Variants in SUMF1 observed in about 807,000 individuals in gnomAD.
SUMF1 encodes formylglycine-generating enzyme.
A neutral mutation model predicts 47.6 loss-of-function variants in SUMF1; 48 were observed. The ratio of observed to expected loss-of-function variants is 1.01; its 90% CI spans 0.80 to 1.28. SUMF1 has a LOEUF of 1.28. Ranked by LOEUF, SUMF1 falls within the 50% of genes most tolerant of loss-of-function variation. SUMF1 has a pLI of 0.00. For synonymous variants in SUMF1, 230 were observed against 192.1 expected, an observed-to-expected ratio of 1.20 and a Z score of -1.63; for missense variants, 571 against 485.4, an observed-to-expected ratio of 1.18 and a Z score of -1.66.
At chr3:4,306,936 A>T (rs1363139520) in intron 8 of SUMF1, among the ~76,000 whole-genome samples, 1 of 152,258 alleles carries the variant, frequency 6.6e-6, no homozygotes, top group Non-Finnish European at 1.5e-5. Flanking sequence ...TTATTGAGCT[A>T]ACAGTTGGAT....
chr3:4,451,911 C>T (rs1009827850), intron 2 of SUMF1, among the ~76,000 whole-genome samples: 1 of 152,106 alleles, frequency 6.6e-6, no homozygotes, highest in Non-Finnish European at 1.5e-5. Context: ...TCTCGATCGC[C>T]TGACCTCGTG....
chr3:4,240,892 T>C (rs912876622), intron 8 of SUMF1, among the ~76,000 whole-genome samples: 1 of 152,088 alleles, frequency 6.6e-6, no homozygotes. Context: ...AAGTGTCAAG[T>C]GACCCTTTAT....
At chr3:4,143,257 G>A (rs1694114348) in intron 8 of SUMF1, among the ~76,000 whole-genome samples, 1 of 152,106 alleles carries the variant, frequency 6.6e-6, no homozygotes, top group Non-Finnish European at 1.5e-5. Context: ...GATGCTAAGT[G>A]CCAGATTCAA....
chr3:4,460,703 G>A (rs1559315794), intron 1 of SUMF1, among the ~76,000 whole-genome samples: 1 of 150,578 alleles, frequency 6.6e-6, no homozygotes, highest in African/African-American at 2.4e-5. Flanking sequence ...GTCACCCCAC[G>A]CTGGAGTGCA....
intron 1 of SUMF1, among the ~76,000 whole-genome samples, chr3:4,462,489 T>A (rs1216883049): frequency 6.6e-6 from 1 of 152,198 alleles, no homozygotes; most frequent in Non-Finnish European, 1.5e-5. Flanking sequence ...ACTTCCCAAC[T>A]AGGGGAGCTA....
chr3:4,124,868 C>CACTT (rs1417973532), intron 8 of SUMF1, among the ~76,000 whole-genome samples: 1 of 150,602 alleles, frequency 6.6e-6, no homozygotes, highest in Non-Finnish European at 1.5e-5. Context: ...ATCTAATATA[C>CACTT]ACTTATATAC....
At chr3:4,411,190 G>A (rs1701529614) in intron 6 of SUMF1, among the ~76,000 whole-genome samples, 1 of 152,020 alleles carries the variant, frequency 6.6e-6, no homozygotes, top group African/African-American at 2.4e-5. Context: ...AACCTAAAGA[G>A]AGTTCATATT....
chr3:4,209,101 A>T (rs897147819), intron 8 of SUMF1, among the ~76,000 whole-genome samples: 1 of 152,144 alleles, frequency 6.6e-6, no homozygotes, highest in Non-Finnish European at 1.5e-5. Flanking sequence ...TCTCCAGTTA[A>T]AACATCTAGA....
intron 7 of SUMF1, among the ~76,000 whole-genome samples, chr3:4,383,100 C>T (rs1165195555): frequency 1.3e-5 from 2 of 151,752 alleles, no homozygotes; most frequent in African/African-American, 4.8e-5. Flanking sequence ...AGATCAGGGC[C>T]GGGCGCAGTG....
At chr3:4,432,235 A>G (rs745523538) in intron 3 of SUMF1, among the ~76,000 whole-genome samples, 1 of 150,984 alleles carries the variant, frequency 6.6e-6, no homozygotes, top group Non-Finnish European at 1.5e-5. Flanking sequence ...AAAACCCAGG[A>G]GTCATACTAG....
At chr3:4,187,526 T>C (rs1574962405) in intron 8 of SUMF1, among the ~76,000 whole-genome samples, 1 of 152,144 alleles carries the variant, frequency 6.6e-6, no homozygotes, top group South Asian at 2.1e-4. Context: ...TAGCACAATA[T>C]AGATGCTCAG....
At chr3:4,227,358 G>C (rs923162690) in intron 8 of SUMF1, among the ~76,000 whole-genome samples, 1 of 144,318 alleles carries the variant, frequency 6.9e-6, no homozygotes, top group African/African-American at 2.5e-5. Context: ...TTAACCAAAT[G>C]AACACACAAA....
intron 8 of SUMF1, among the ~76,000 whole-genome samples, chr3:4,122,354 T>C (rs887026010): frequency 1.3e-5 from 2 of 152,156 alleles, no homozygotes; most frequent in African/African-American, 4.8e-5. Context: ...GGTAAATCCA[T>C]ACAAACACAA....
chr3:4,193,400 G>A (rs1455260717), intron 8 of SUMF1, among the ~76,000 whole-genome samples: 1 of 151,968 alleles, frequency 6.6e-6, no homozygotes. Context: ...CAGACTTGAG[G>A]GGATCATAAG....
At chr3:4,304,768 C>A (rs949766036) in intron 8 of SUMF1, among the ~76,000 whole-genome samples, 15 of 152,226 alleles carry the variant, frequency 9.9e-5, no homozygotes, top group African/African-American at 3.4e-4. Flanking sequence ...GAATCAAACT[C>A]TAAAATATTT....
chr3:4,262,442 A>C (rs1033750931), intron 8 of SUMF1, among the ~76,000 whole-genome samples: 1 of 152,140 alleles, frequency 6.6e-6, no homozygotes, highest in Non-Finnish European at 1.5e-5. Flanking sequence ...AACAACAACA[A>C]AAAAGACAAT....
intron 8 of SUMF1, among the ~76,000 whole-genome samples, chr3:4,285,635 T>A (rs1370698038): frequency 6.6e-6 from 1 of 152,174 alleles, no homozygotes; most frequent in East Asian, 1.9e-4. Context: ...TGTATAGGTA[T>A]GTAATAGATT....
intron 2 of SUMF1, among the ~76,000 whole-genome samples, chr3:4,452,047 C>T (rs1702990924): frequency 1.3e-5 from 2 of 151,608 alleles, no homozygotes; most frequent in African/African-American, 4.9e-5. Context: ...CAATGCAAAA[C>T]CAAATCTGAA....
chr3:4,247,847 C>T (rs915532309), intron 8 of SUMF1, among the ~76,000 whole-genome samples: 1 of 152,140 alleles, frequency 6.6e-6, no homozygotes, highest in Non-Finnish European at 1.5e-5. Context: ...TGCTTGAAAA[C>T]AAAATGTCTC....
Sources: gnomAD v4.1 joint callset for allele counts (sites outside exome capture counted in the v4.1 genomes callset) on GRCh38, gnomAD v4.1.1 for gene constraint, MANE v1.5 for transcripts, NCBI Gene and HGNC (gene_info 2026-07-23, HGNC 2026-07-21) for gene names.